Variants in PLEKHA2 observed in about 807,000 individuals in gnomAD.
The protein encoded by PLEKHA2 is pleckstrin homology domain containing A2.
Under a neutral mutation model 53.2 loss-of-function variants are expected in PLEKHA2, and 28 were observed. The observed-to-expected ratio is 0.53, with a 90% CI of 0.39 to 0.72. The LOEUF (loss-of-function observed/expected upper bound fraction) is 0.72. PLEKHA2 is among the 30% of genes least tolerant of loss of function. The pLI is 0.00. For missense variants in PLEKHA2, 426 were observed against 537.9 expected (o/e 0.79, Z 2.06); for synonymous variants, 193 against 196.4 (o/e 0.98, Z 0.14).
At chr8:38,936,388 G>A (rs915421794) in intron 3 of PLEKHA2, among the ~76,000 whole-genome samples, 9 of 152,196 alleles carry the variant, frequency 5.9e-5, no homozygotes, top group African/African-American at 1.9e-4. Flanking sequence ...TAATTGGGAC[G>A]AAAGGGAACA....
chr8:38,949,065 T>G (rs1834773761), intron 5 of PLEKHA2, among the ~76,000 whole-genome samples: 1 of 152,132 alleles, frequency 6.6e-6, no homozygotes, highest in South Asian at 2.1e-4. Context: ...GAGACGGAAT[T>G]TCACTATATT....
chr8:38,951,013 C>CGG, intron 6 of PLEKHA2, 23 bp downstream of exon 6: 1 of 1,332,586 alleles, frequency 7.5e-7, no homozygotes, highest in Non-Finnish European at 9.8e-7. Context: ...ACTGGGGCTG[C>CGG]GGGGGGAGTG....
chr8:38,940,053 C>A (rs1296051981), intron 3 of PLEKHA2, among the ~76,000 whole-genome samples: 1 of 148,920 alleles, frequency 6.7e-6, no homozygotes, highest in Non-Finnish European at 1.5e-5. Flanking sequence ...ATGACTGCAC[C>A]TCCACACTCC....
intron 3 of PLEKHA2, 80 bp from the exon 4 acceptor site, chr8:38,943,709 A>G (rs1212440627): frequency 2.7e-6 from 3 of 1,103,574 alleles, no homozygotes; most frequent in Non-Finnish European, 3.9e-6. Flanking sequence ...TACTCTTTAT[A>G]TATGAGAAAT....
chr8:38,928,236 CTTTT>C (rs11414317), intron 2 of PLEKHA2, among the ~76,000 whole-genome samples: 1 of 110,130 alleles, frequency 9.1e-6, no homozygotes, highest in Non-Finnish European at 1.8e-5. Context: ...CTGACCTGGT[CTTTT>C]TTTTTTTTTT....
chr8:38,942,124 G>A (rs11787422), intron 3 of PLEKHA2, among the ~76,000 whole-genome samples: 64,738 of 151,960 alleles, frequency 0.43, 13,934 homozygotes, highest in Middle Eastern at 0.48. Flanking sequence ...GCAGCCAGCC[G>A]GTTGCGGTGG....
At chr8:38,902,461 C>G (rs1833805235) in intron 1 of PLEKHA2, among the ~76,000 whole-genome samples, 1 of 152,066 alleles carries the variant, frequency 6.6e-6, no homozygotes, top group Non-Finnish European at 1.5e-5. Flanking sequence ...TTTAGGGCTC[C>G]AAGTGGGGTT....
intron 1 of PLEKHA2, among the ~76,000 whole-genome samples, chr8:38,912,157 C>T (rs541632009): frequency 7.8e-4 from 119 of 151,944 alleles, no homozygotes; most frequent in African/African-American, 2.3e-3. Context: ...AAAAATTAGC[C>T]GGATGTGGTG....
At chr8:38,913,118 C>A (rs1435131362) in intron 1 of PLEKHA2, among the ~76,000 whole-genome samples, 3 of 152,194 alleles carry the variant, frequency 2.0e-5, no homozygotes, top group Non-Finnish European at 2.9e-5. Context: ...AATCCCAGCA[C>A]TTTGGGAGGC....
intron 10 of PLEKHA2, among the ~76,000 whole-genome samples, chr8:38,966,715 A>G (rs1170263245): frequency 6.6e-6 from 1 of 152,018 alleles, no homozygotes; most frequent in Non-Finnish European, 1.5e-5. Flanking sequence ...TCCTTCACAT[A>G]CTGTGAAGCT....
In PLEKHA2 at chr8:38,903,635, C is replaced by T. The variant is rs113512212; in HGVS notation, c.-24+2190C>T. On this transcript the variant is annotated intron_variant, in intron 1 of 11. Coordinates refer to ENST00000617275, the MANE Select transcript of PLEKHA2 (RefSeq NM_021623.2). ...TCCCACTACCTTGCCAAGTGTTTGC[C>T]GAAGTGCTAGGATACTAGGAAGACC... Among the ~76,000 whole-genome samples, 6 of 152,234 alleles carry T rather than the reference C, an allele frequency of 3.9e-5. 2 individuals carry two copies. The highest frequency in any genetic ancestry group is 1.4e-4 in the African/African-American group (6 of 41,550).
chr8:38,948,085 C>CAAAAAA (rs386412587), intron 5 of PLEKHA2, among the ~76,000 whole-genome samples: 1 of 119,056 alleles, frequency 8.4e-6, no homozygotes, highest in Non-Finnish European at 1.7e-5. Context: ...GACTCCATCT[C>CAAAAAA]AAAAAAAAAA....
chr8:38,917,875 C>T (rs922846195), intron 1 of PLEKHA2, 32 bp from the exon 2 acceptor site: 13 of 1,591,002 alleles, frequency 8.2e-6, no homozygotes, highest in Non-Finnish European at 8.6e-7. Flanking sequence ...GCTTCATCTT[C>T]CTTCTCATCA....
chr8:38,945,856 C>T (rs1220844735), intron 4 of PLEKHA2, among the ~76,000 whole-genome samples: 1 of 152,220 alleles, frequency 6.6e-6, no homozygotes, highest in Non-Finnish European at 1.5e-5. Flanking sequence ...CACCGCAGAA[C>T]AGCACACTGA....
chr8:38,937,999 CAG>C (rs1349314193), intron 3 of PLEKHA2, among the ~76,000 whole-genome samples: 2 of 152,152 alleles, frequency 1.3e-5, no homozygotes, highest in Non-Finnish European at 2.9e-5. Context: ...TTTGGAGAGA[CAG>C]AGATGAAAGT....
At chr8:38,912,976 G>C (rs897623469) in intron 1 of PLEKHA2, among the ~76,000 whole-genome samples, 3 of 152,140 alleles carry the variant, frequency 2.0e-5, no homozygotes, top group African/African-American at 7.2e-5. Flanking sequence ...CCTTGGGTCC[G>C]TGAGGGCCCT....
At chr8:38,904,017 T>C (rs1833833057) in intron 1 of PLEKHA2, among the ~76,000 whole-genome samples, 1 of 152,124 alleles carries the variant, frequency 6.6e-6, no homozygotes, top group Non-Finnish European at 1.5e-5. Context: ...GCAAATATTA[T>C]AGTGTGTTGG....
chr8:38,955,702 C>A (rs896587069), intron 9 of PLEKHA2, among the ~76,000 whole-genome samples: 3 of 152,208 alleles, frequency 2.0e-5, no homozygotes, highest in Non-Finnish European at 4.4e-5. Flanking sequence ...GAGGTAGTGC[C>A]ATTTTCTTGC....
chr8:38,945,030 G>T (rs1474556532), intron 4 of PLEKHA2, among the ~76,000 whole-genome samples: 1 of 152,102 alleles, frequency 6.6e-6, no homozygotes, highest in Non-Finnish European at 1.5e-5. Flanking sequence ...AAGGGTCTCA[G>T]TTGCCCAATA....
Sources: gnomAD v4.1 joint callset for allele counts (sites outside exome capture counted in the v4.1 genomes callset) on GRCh38, gnomAD v4.1.1 for gene constraint, MANE v1.5 for transcripts, NCBI Gene and HGNC (gene_info 2026-07-23, HGNC 2026-07-21) for gene names.